FAM178B: variants seen among roughly 807,000 people sequenced by gnomAD.
FAM178B encodes the protein family with sequence similarity 178 member B.
FAM178B carries 82 observed loss-of-function variants against 91.7 expected under a neutral mutation model. That is an observed-to-expected ratio of 0.89 (90% CI 0.75 to 1.07). The LOEUF (loss-of-function observed/expected upper bound fraction) is 1.07, where lower values mean the gene tolerates loss of function less well. Ranked by LOEUF, FAM178B falls within the 50% of genes least tolerant of loss-of-function variation. The pLI is 0.00. For missense variants in FAM178B, 769 were observed against 846.7 expected (o/e 0.91, Z 1.14); for synonymous variants, 368 against 359.4 (o/e 1.02, Z -0.27).
chr2:96,944,897 T>C lies in FAM178B; in HGVS notation c.1078+2921A>G, dbSNP rs115783193. ...GTCTCTGCTTTCTGGTACAGATGGC[T>C]CAACTGTCTCATCTTCTACAAAGCA... On this transcript the variant is annotated intron_variant, in intron 8 of 16. Coordinates refer to ENST00000490605, the MANE Select transcript of FAM178B (RefSeq NM_001122646.3). 3.6e-3 allele frequency among the ~76,000 whole-genome samples: 553 copies of C among 152,222 alleles called. 2 individuals carry two copies. The highest frequency in any genetic ancestry group is 0.013 in the African/African-American group (541 of 41,532).
intron 14 of FAM178B, among the ~76,000 whole-genome samples, chr2:96,890,451 G>A (rs757688046): frequency 2.6e-5 from 4 of 152,172 alleles, no homozygotes; most frequent in Non-Finnish European, 5.9e-5. Flanking sequence ...GCAATAGAGT[G>A]AGACAGGCCC....
intron 14 of FAM178B, among the ~76,000 whole-genome samples, chr2:96,892,857 A>G (rs2080715898): frequency 6.6e-6 from 1 of 152,082 alleles, no homozygotes; most frequent in Non-Finnish European, 1.5e-5. Flanking sequence ...CCAGCCCATA[A>G]CCAGCTCCAG....
intron 13 of FAM178B, among the ~76,000 whole-genome samples, 159 bp from the exon 14 acceptor site, chr2:96,894,210 G>C (rs758209046): frequency 6.6e-6 from 1 of 151,806 alleles, no homozygotes; most frequent in African/African-American, 2.4e-5. Context: ...GTGGCCTCTC[G>C]GATCCTGAGT....
At chr2:96,890,052 G>C (rs1282107948) in intron 14 of FAM178B, among the ~76,000 whole-genome samples, 1 of 151,826 alleles carries the variant, frequency 6.6e-6, no homozygotes, top group Non-Finnish European at 1.5e-5. Context: ...GAGGTGGGCA[G>C]ATCACCTGAG....
At chr2:96,905,860 A>ATT (rs1161397180) in intron 12 of FAM178B, among the ~76,000 whole-genome samples, 14 of 23,272 alleles carry the variant, frequency 6.0e-4, no homozygotes, top group Non-Finnish European at 7.3e-4. Flanking sequence ...ATATATATAT[A>ATT]TTTTTTTTTT....
rs555324039 is a variant in FAM178B, at chr2:96,917,659, C to T, written c.1562+3506G>A. On this transcript the variant is annotated intron_variant, in intron 12 of 16. Coordinates refer to ENST00000490605, the MANE Select transcript of FAM178B (RefSeq NM_001122646.3). ...TCACTTCAGCCCAGGGATTTGAGAT[C>T]GGCCTGCACAACATAGGGAGACCTT... Among the ~76,000 whole-genome samples, 6 of 152,256 alleles carry T rather than the reference C, an allele frequency of 3.9e-5. No homozygotes were observed. The South Asian group carries it at 8.3e-4, about 21-fold the overall frequency.
chr2:96,971,370 G>A (rs1405692836), intron 3 of FAM178B, among the ~76,000 whole-genome samples: 2 of 148,434 alleles, frequency 1.3e-5, no homozygotes, highest in Admixed American at 6.9e-5. Context: ...TCTCTCTCTC[G>A]CAGGCTGTTA....
In FAM178B at chr2:96,967,911, C is replaced by CTTT. The variant is rs60965536; in HGVS notation, c.627-287_627-285dup. ...TCTTTACTTGTGTACCCTGTTTGGTCTTTTTTTTTTTTTTTTTTTTTTTTT... is the reference window on the plus strand; with the variant it reads ...TCTTTACTTGTGTACCCTGTTTGGTCTTTTTTTTTTTTTTTTTTTTTTTTTTTT... On this transcript the variant is annotated intron_variant, in intron 4 of 16. Transcript: ENST00000490605. Among the ~76,000 whole-genome samples the CTTT allele has an allele frequency of 1.6e-3, 100 of 62,442 alleles. 17 individuals are homozygous for CTTT. The highest frequency in any genetic ancestry group is 2.4e-3 in the Non-Finnish European group (80 of 33,238). 41.0% of individuals were successfully genotyped at this position (62,442 alleles called of 152,430 possible). A position where few individuals can be genotyped will look rare whatever the true frequency, so the allele number is the denominator to read the frequency against.
At chr2:96,942,502 C>T (rs763576073) in intron 8 of FAM178B, among the ~76,000 whole-genome samples, 26 of 152,204 alleles carry the variant, frequency 1.7e-4, no homozygotes, top group Admixed American at 5.9e-4. Flanking sequence ...ACGCCATTCT[C>T]CTGCCTCAGC....
At chr2:96,974,352 A>G (rs919337295) in intron 1 of FAM178B, among the ~76,000 whole-genome samples, 6 of 145,106 alleles carry the variant, frequency 4.1e-5, no homozygotes, top group African/African-American at 1.5e-4. Flanking sequence ...ACTGTACTCC[A>G]GCCTGGGCAA....
At chr2:96,931,223 TGA>T (rs778920336) in intron 8 of FAM178B, among the ~76,000 whole-genome samples, 11 of 152,076 alleles carry the variant, frequency 7.2e-5, no homozygotes, top group Non-Finnish European at 1.5e-4. Flanking sequence ...TTCTAGAGGG[TGA>T]GTGTCCCACC....
chr2:96,941,862 C>T (rs550946416), intron 8 of FAM178B, among the ~76,000 whole-genome samples: 25 of 152,330 alleles, frequency 1.6e-4, no homozygotes, highest in Non-Finnish European at 3.1e-4. Context: ...AAGACTGGCA[C>T]TAGGTTAACG....
intron 3 of FAM178B, among the ~76,000 whole-genome samples, 190 bp from the exon 4 acceptor site, chr2:96,970,967 C>G (rs545938539): frequency 2.0e-5 from 3 of 152,032 alleles, no homozygotes; most frequent in African/African-American, 7.3e-5. Flanking sequence ...CCATCCCCAC[C>G]CCCAGCCACC....
chr2:96,950,378 G>A (rs2081905101), intron 7 of FAM178B, among the ~76,000 whole-genome samples: 1 of 152,186 alleles, frequency 6.6e-6, no homozygotes, highest in African/African-American at 2.4e-5. Context: ...CCCAGAAGCT[G>A]CATGTCTTCC....
intron 9 of FAM178B, among the ~76,000 whole-genome samples, chr2:96,928,937 C>A (rs569979638): frequency 6.6e-6 from 1 of 151,972 alleles, no homozygotes; most frequent in Non-Finnish European, 1.5e-5. Flanking sequence ...ATCGCTTGAG[C>A]CTAAGAGTTC....
chr2:96,881,270 CAAAAAAA>C (rs1168855038), intron 14 of FAM178B, among the ~76,000 whole-genome samples: 5 of 64,374 alleles, frequency 7.8e-5, no homozygotes, highest in Middle Eastern at 8.3e-3. Flanking sequence ...AAGCTGGTCT[CAAAAAAA>C]AAAAAAAAAA....
At chr2:96,976,922 A>G (rs1385073760) in intron 1 of FAM178B, among the ~76,000 whole-genome samples, 1 of 151,366 alleles carries the variant, frequency 6.6e-6, no homozygotes, top group East Asian at 2.0e-4. Context: ...GGCTGGGCAC[A>G]GTGGTTCACA....
intron 4 of FAM178B, among the ~76,000 whole-genome samples, chr2:96,968,374 T>C (rs548977565): frequency 2.3e-4 from 35 of 151,718 alleles, no homozygotes; most frequent in African/African-American, 8.5e-4. Flanking sequence ...CCCCAACCCC[T>C]ACCCTCCTCC....
rs115483158 is a variant in FAM178B, at chr2:96,951,266, C to G, written c.993+113G>C. On this transcript the variant is annotated intron_variant, in intron 7 of 16. Transcript: ENST00000490605. ...TCCCTCCTCCCAGCCTGAGCCCAGC[C>G]AAGCAGCACCTAAGGCAAGAAGAGG... is the stretch of plus-strand genomic sequence containing the variant. 2,729 of 748,288 alleles carry G rather than the reference C, an allele frequency of 3.6e-3. 59 individuals carry two copies. In the African/African-American group the frequency reaches 0.042, roughly 11 times the overall value. 46.4% of individuals were successfully genotyped at this position (748,288 alleles called of 1,614,324 possible).
Sources: allele counts gnomAD v4.1 joint callset (sites outside exome capture counted in the v4.1 genomes callset), GRCh38; gene constraint gnomAD v4.1.1; transcripts MANE v1.5; gene names NCBI Gene and HGNC (gene_info 2026-07-23, HGNC 2026-07-21).